PLCB1: variants seen among roughly 807,000 people sequenced by gnomAD.
PLCB1 encodes the protein 1-phosphatidylinositol 4,5-bisphosphate phosphodiesterase beta-1.
PLCB1 carries 46 observed loss-of-function variants against 161.8 expected under a neutral mutation model. The ratio of observed to expected loss-of-function variants is 0.28; its 90% confidence interval spans 0.22 to 0.36. The LOEUF (loss-of-function observed/expected upper bound fraction) is 0.36. PLCB1 is among the 10% of genes least tolerant of loss of function. The pLI, the probability that PLCB1 is intolerant of heterozygous loss-of-function variation, is 1.00. For missense variants in PLCB1, 1,016 were observed against 1,472.5 expected, an observed-to-expected ratio of 0.69 and a Z score of 5.07; for synonymous variants, 517 against 503.7, an observed-to-expected ratio of 1.03 and a Z score of -0.35.
At chr20:8,412,455 C>T (rs1979087317) in intron 3 of PLCB1, among the ~76,000 whole-genome samples, 1 of 152,198 alleles carries the variant, frequency 6.6e-6, no homozygotes, top group Admixed American at 6.5e-5. Flanking sequence ...CCTCTTCTAT[C>T]TGACTGTCAT....
chr20:8,153,718 C>T (rs1289930917), intron 2 of PLCB1, among the ~76,000 whole-genome samples: 1 of 152,132 alleles, frequency 6.6e-6, no homozygotes, highest in Non-Finnish European at 1.5e-5. Context: ...AAAAATAAAA[C>T]TAGTCACCAC....
intron 31 of PLCB1, among the ~76,000 whole-genome samples, chr20:8,879,636 G>A (rs1022995198): frequency 6.7e-6 from 1 of 149,934 alleles, no homozygotes; most frequent in Non-Finnish European, 1.5e-5. Flanking sequence ...AACTTCTTCT[G>A]GATTTCAGAA....
At chr20:8,801,484 G>A (rs978407579) in intron 31 of PLCB1, among the ~76,000 whole-genome samples, 6 of 152,056 alleles carry the variant, frequency 3.9e-5, no homozygotes, top group Non-Finnish European at 7.4e-5. Context: ...CTCCACAACG[G>A]GAAGAGGCTT....
At chr20:8,636,096 G>A (rs904801102) in intron 4 of PLCB1, among the ~76,000 whole-genome samples, 5 of 152,184 alleles carry the variant, frequency 3.3e-5, no homozygotes, top group African/African-American at 1.2e-4. Context: ...AAAAAGAAAA[G>A]GTGGTGCCAT....
intron 3 of PLCB1, among the ~76,000 whole-genome samples, chr20:8,517,087 G>A (rs894551823): frequency 1.3e-5 from 2 of 152,042 alleles, no homozygotes; most frequent in Admixed American, 6.6e-5. Flanking sequence ...GAGGGGTTGG[G>A]CGTTCCACAT....
chr20:8,857,073 G>C (rs1241044495), intron 31 of PLCB1, among the ~76,000 whole-genome samples: 2 of 152,158 alleles, frequency 1.3e-5, no homozygotes, highest in Admixed American at 6.5e-5. Flanking sequence ...GTCTAATATG[G>C]CCTCTGCTAG....
intron 3 of PLCB1, among the ~76,000 whole-genome samples, chr20:8,462,251 G>A (rs1479193213): frequency 6.6e-6 from 1 of 152,114 alleles, no homozygotes; most frequent in African/African-American, 2.4e-5. Context: ...TGTCACTGAG[G>A]CTGAGTAAAC....
chr20:8,719,330 T>C (rs1406424812), intron 14 of PLCB1, among the ~76,000 whole-genome samples: 1 of 152,290 alleles, frequency 6.6e-6, no homozygotes, highest in East Asian at 1.9e-4. Flanking sequence ...TAAAGATGTG[T>C]ATTTAGGTTT....
intron 6 of PLCB1, among the ~76,000 whole-genome samples, chr20:8,648,409 G>GTCTAAAGGAGACAACA (rs1325920788): frequency 6.6e-6 from 1 of 152,190 alleles, no homozygotes; most frequent in Non-Finnish European, 1.5e-5. Flanking sequence ...AGCAAACCCT[G>GTCTAAAGGAGACAACA]TCTAAAGGAG....
chr20:8,654,807 T>A (rs1298587966), intron 7 of PLCB1, among the ~76,000 whole-genome samples: 1 of 152,036 alleles, frequency 6.6e-6, no homozygotes, highest in Non-Finnish European at 1.5e-5. Flanking sequence ...AGTCTGTGAA[T>A]TAGCTTTGTG....
chr20:8,144,416 T>C (rs1325385495), intron 1 of PLCB1, among the ~76,000 whole-genome samples: 2 of 152,198 alleles, frequency 1.3e-5, no homozygotes, highest in Non-Finnish European at 2.9e-5. Flanking sequence ...AAGGGATTTT[T>C]CTGCTTGTTC....
At chr20:8,417,296 C>G (rs1979342701) in intron 3 of PLCB1, among the ~76,000 whole-genome samples, 2 of 150,628 alleles carry the variant, frequency 1.3e-5, no homozygotes, top group African/African-American at 4.9e-5. Context: ...CCATGATACA[C>G]TTATATATTT....
intron 3 of PLCB1, among the ~76,000 whole-genome samples, chr20:8,444,794 G>T (rs1980740813): frequency 6.6e-6 from 1 of 152,102 alleles, no homozygotes; most frequent in South Asian, 2.1e-4. Flanking sequence ...TTTCTCTGAT[G>T]GCCAGTGATG....
chr20:8,538,661 T>C (rs968806376), intron 3 of PLCB1, among the ~76,000 whole-genome samples: 2 of 151,630 alleles, frequency 1.3e-5, no homozygotes, highest in Non-Finnish European at 2.9e-5. Context: ...TAAGGTACTC[T>C]TTTATGTCAG....
intron 3 of PLCB1, among the ~76,000 whole-genome samples, chr20:8,483,731 G>C (rs2327071): frequency 0.11 from 17,027 of 152,172 alleles, 1,001 homozygotes; most frequent in Non-Finnish European, 0.12. Context: ...TAAAAAAAAT[G>C]TTGCAGAATG....
intron 3 of PLCB1, among the ~76,000 whole-genome samples, chr20:8,478,118 G>A (rs767866434): frequency 2.0e-5 from 3 of 152,170 alleles, no homozygotes; most frequent in Non-Finnish European, 4.4e-5. Context: ...ATTTGCAGTG[G>A]TAGCATTCTT....
At chr20:8,490,497 G>A (rs1043346281) in intron 3 of PLCB1, among the ~76,000 whole-genome samples, 1 of 152,154 alleles carries the variant, frequency 6.6e-6, no homozygotes, top group Non-Finnish European at 1.5e-5. Flanking sequence ...CTTTGTGGAT[G>A]GACACAGGCT....
At chr20:8,439,701 A>G (rs771821701) in intron 3 of PLCB1, among the ~76,000 whole-genome samples, 4 of 152,298 alleles carry the variant, frequency 2.6e-5, no homozygotes, top group Middle Eastern at 3.4e-3. Flanking sequence ...CTTCATTACT[A>G]TATTTTCTAC....
In PLCB1 at chr20:8,305,145, T is replaced by C. The variant is rs530296321; in HGVS notation, c.178-66237T>C. Among the ~76,000 whole-genome samples the C allele has an allele frequency of 3.3e-5, 5 of 152,358 alleles. No individual in the cohort carries two copies. In the East Asian group the frequency reaches 7.7e-4, roughly 24 times the overall value. ...TACTATCCCCATTAATCATTAATTA[T>C]GTTGTTAATTAAGAACACCTGTACT... is the stretch of plus-strand genomic sequence containing the variant. On this transcript the variant is annotated intron_variant, in intron 2 of 31. Coordinates refer to ENST00000338037, the MANE Select transcript of PLCB1 (RefSeq NM_015192.4).
Sources: allele counts gnomAD v4.1 joint callset (sites outside exome capture counted in the v4.1 genomes callset), GRCh38; gene constraint gnomAD v4.1.1; transcripts MANE v1.5; gene names NCBI Gene and HGNC (gene_info 2026-07-23, HGNC 2026-07-21).